BCAR3: variants seen among roughly 807,000 people sequenced by gnomAD.
The protein encoded by BCAR3 is BCAR3 adaptor protein, NSP family member, also known as breast cancer anti-estrogen resistance protein 3.
Under a neutral mutation model 80.1 loss-of-function variants are expected in BCAR3, and 37 were observed. The observed-to-expected ratio is 0.46, with a 90% CI of 0.36 to 0.61. BCAR3 has a LOEUF of 0.61. Among genes scored for constraint, BCAR3 ranks in the 20% least tolerant of loss-of-function variants. BCAR3 has a pLI of 0.00. For missense variants in BCAR3, 978 were observed against 1,068.2 expected, an observed-to-expected ratio of 0.92 and a Z score of 1.18; for synonymous variants, 389 against 418.9, an observed-to-expected ratio of 0.93 and a Z score of 0.87.
rs1673021004 is a variant in BCAR3 at position 93,567,821 on chromosome 1, G to C, written c.2005C>G (p.Leu669Val). Residue 669 changes from leucine to valine, a missense_variant, in exon 10 of 12, where the codon CTG becomes GTG. Coordinates refer to ENST00000260502, the MANE Select transcript of BCAR3 (RefSeq NM_003567.4). ...ITRLEKTWTA[L>V]RHQYTQTAIL... ...GCAGTTTGGGTGTACTGGTGCCGCA[G>C]AGCAGTCCACGTCTTTTCTAACCTT... 1 of 1,614,194 alleles carries C rather than the reference G, an allele frequency of 6.2e-7. No individual in the cohort carries two copies. The highest frequency in any genetic ancestry group is 1.3e-5 in the African/African-American group (1 of 75,064).
intron 2 of BCAR3, among the ~76,000 whole-genome samples, chr1:93,810,957 A>C (rs1295401947): frequency 2.0e-5 from 3 of 152,234 alleles, no homozygotes. Context: ...TTCCCAGGCC[A>C]GTGTCTTTTG....
rs552609369 is a variant in BCAR3 at position 93,585,132 on chromosome 1, C to T, written c.930-1011G>A. 7.1e-6 allele frequency: 7 copies of T among 981,160 alleles called. No individual in the cohort carries two copies. In the African/African-American group the frequency reaches 1.2e-4, roughly 17 times the overall value. The allele number at this position is 981,160 out of a possible 1,614,324, so 60.8% of individuals were successfully genotyped here. On this transcript the variant is annotated intron_variant, in intron 5 of 11. Transcript: ENST00000260502. ...TTAAGCAGTGACCACTGCGGCTGGA[C>T]TCCAGGGGCCAGAACGGCAGGGTGT...
At chr1:93,845,502 A>ATATATATATATATAT in intron 2 of BCAR3, 16 of 113,766 alleles carry the variant, frequency 1.4e-4, no homozygotes, top group South Asian at 2.7e-4. Flanking sequence ...ATATATATAT[A>ATATATATATATATAT]AAACTTTGTT....
intron 2 of BCAR3, among the ~76,000 whole-genome samples, chr1:93,671,967 T>C (rs1648221350): frequency 6.6e-6 from 1 of 152,176 alleles, no homozygotes; most frequent in Admixed American, 6.5e-5. Flanking sequence ...CAGAGAACCA[T>C]GTGCCTTCTC....
In BCAR3 at chr1:93,771,093, T is replaced by C. The variant is rs112310087; in HGVS notation, c.-62-64951A>G. Among the ~76,000 whole-genome samples the C allele has an allele frequency of 9.1e-4, 139 of 152,360 alleles. 3 individuals carry two copies. Among genetic ancestry groups the C allele is most frequent in the African/African-American group, 3.2e-3 (134 of 41,584 alleles). On this transcript the variant is annotated intron_variant, in intron 2 of 13. Transcript: ENST00000370244. ...GCTAATGTTTATTAAGCATTTACTA[T>C]ACCCATGTACTGTGTTCTCATTTTA...
At chr1:93,829,134 G>A (rs912701933) in intron 2 of BCAR3, among the ~76,000 whole-genome samples, 3 of 152,130 alleles carry the variant, frequency 2.0e-5, no homozygotes, top group African/African-American at 4.8e-5. Context: ...GCAGTGGAAC[G>A]CAATTGGTTT....
chr1:93,738,690 T>C (rs1651075823), intron 2 of BCAR3, among the ~76,000 whole-genome samples: 1 of 151,478 alleles, frequency 6.6e-6, no homozygotes, highest in South Asian at 2.1e-4. Flanking sequence ...GAGATGCTGG[T>C]GGGGAGAGCA....
intron 3 of BCAR3, among the ~76,000 whole-genome samples, chr1:93,631,695 G>C (rs988944815): frequency 6.6e-6 from 1 of 152,292 alleles, no homozygotes; most frequent in African/African-American, 2.4e-5. Context: ...ATCCTTCCTC[G>C]AGTTAGGGAG....
At chr1:93,837,769 T>C (rs1406122175) in intron 2 of BCAR3, among the ~76,000 whole-genome samples, 2 of 152,226 alleles carry the variant, frequency 1.3e-5, no homozygotes, top group African/African-American at 4.8e-5. Context: ...ACATTCTAGG[T>C]GCCATCTGTA....
chr1:93,606,484 G>A (rs1201477715), intron 3 of BCAR3, among the ~76,000 whole-genome samples: 1 of 152,220 alleles, frequency 6.6e-6, no homozygotes, highest in Non-Finnish European at 1.5e-5. Flanking sequence ...ATGAATAGGA[G>A]GAAGGGGCAT....
Position 93,787,053 on chromosome 1 carries a change from T to G in BCAR3, c.-63+58514A>C, listed in dbSNP as rs80248897. On this transcript the variant is annotated intron_variant, in intron 2 of 13. Transcript: ENST00000370244. ...CACTGATTGTTTCTAAGTTTAGAGATCTATACTTCACACATCTTCCATGTA... is the reference window on the plus strand; with the variant it reads ...CACTGATTGTTTCTAAGTTTAGAGAGCTATACTTCACACATCTTCCATGTA... 8.9e-3 allele frequency among the ~76,000 whole-genome samples: 1,358 copies of G among 152,350 alleles called. 17 individuals are homozygous for G. The highest frequency in any genetic ancestry group is 0.032 in the African/African-American group (1,314 of 41,580).
intron 2 of BCAR3, among the ~76,000 whole-genome samples, chr1:93,654,565 G>A (rs900417989): frequency 2.6e-5 from 4 of 152,204 alleles, no homozygotes; most frequent in Admixed American, 6.5e-5. Flanking sequence ...TACAGAAACC[G>A]TGAGGTAATG....
At chr1:93,801,713 G>A (rs11165000) in intron 2 of BCAR3, among the ~76,000 whole-genome samples, 21,545 of 152,110 alleles carry the variant, frequency 0.14, 2,488 homozygotes, top group African/African-American at 0.31. Context: ...TAATCCCAGC[G>A]ACTTGGGAGG....
At chr1:93,654,986 C>T (rs1647302708) in intron 2 of BCAR3, among the ~76,000 whole-genome samples, 1 of 152,204 alleles carries the variant, frequency 6.6e-6, no homozygotes, top group Admixed American at 6.5e-5. Flanking sequence ...AGGCTTTGTC[C>T]AGTTTACTCA....
intron 2 of BCAR3, among the ~76,000 whole-genome samples, chr1:93,643,239 AG>A (rs1676045038): frequency 6.7e-6 from 1 of 149,478 alleles, no homozygotes; most frequent in Non-Finnish European, 1.5e-5. Flanking sequence ...AAAAAAAAAA[AG>A]AGGCCAGGCG....
At chr1:93,661,709 G>C (rs1287882860) in intron 2 of BCAR3, among the ~76,000 whole-genome samples, 1 of 152,062 alleles carries the variant, frequency 6.6e-6, no homozygotes, top group African/African-American at 2.4e-5. Flanking sequence ...GGCTGGTCTC[G>C]AACTCCTGAC....
intron 2 of BCAR3, among the ~76,000 whole-genome samples, chr1:93,657,441 T>C (rs1207969000): frequency 6.6e-6 from 1 of 152,178 alleles, no homozygotes; most frequent in African/African-American, 2.4e-5. Context: ...GAGGGCATTA[T>C]AACTTTGATA....
At chr1:93,596,701 T>A (rs1007422819) in intron 3 of BCAR3, among the ~76,000 whole-genome samples, 1 of 152,236 alleles carries the variant, frequency 6.6e-6, no homozygotes, top group Non-Finnish European at 1.5e-5. Context: ...TACAACTTTC[T>A]CTCCAAGATC....
intron 2 of BCAR3, among the ~76,000 whole-genome samples, chr1:93,660,053 CGTGTGTGTGTGT>C (rs76729025): frequency 1.4e-5 from 2 of 147,236 alleles, no homozygotes; most frequent in South Asian, 2.2e-4. Context: ...AATAAATGAA[CGTGTGTGTGTGT>C]GTGTGTGTGT....
Sources: allele counts gnomAD v4.1 joint callset (sites outside exome capture counted in the v4.1 genomes callset), GRCh38; gene constraint gnomAD v4.1.1; transcripts MANE v1.5; gene names NCBI Gene and HGNC (gene_info 2026-07-23, HGNC 2026-07-21).